Variants in LDHAL6A observed in about 807,000 individuals in gnomAD.
The protein encoded by LDHAL6A is L-lactate dehydrogenase A-like 6A.
Under a neutral mutation model 28.2 loss-of-function variants are expected in LDHAL6A, and 19 were observed. The ratio of observed to expected loss-of-function variants is 0.67; its 90% CI spans 0.47 to 0.99. The LOEUF is 0.99. LDHAL6A is among the 50% of genes least tolerant of loss of function. The probability of loss-of-function intolerance (pLI) is 0.00; values close to 1 mark genes in which losing one functional copy is unlikely to be tolerated. For synonymous variants in LDHAL6A, 144 were observed against 134.4 expected, an observed-to-expected ratio of 1.07 and a Z score of -0.49; for missense variants, 372 against 398.6, an observed-to-expected ratio of 0.93 and a Z score of 0.57.
chr11:18,478,929 T>C lies in LDHAL6A; in HGVS notation c.*59T>C, dbSNP rs1418869875. 2.2e-6 allele frequency: 3 copies of C among 1,371,284 alleles called. No homozygotes were observed. The highest frequency in any genetic ancestry group is 2.3e-5 in the East Asian group (1 of 43,200). 84.9% of individuals were successfully genotyped at this position (1,371,284 alleles called of 1,614,324 possible). On this transcript the variant is annotated 3_prime_UTR_variant, in exon 7 of 7. Transcript: ENST00000280706. ...GAAATAGTAGTTATGGAATTGTATATGTCAAACTTTTGAATAAATTTGAAT... is the reference window on the plus strand; with the variant it reads ...GAAATAGTAGTTATGGAATTGTATACGTCAAACTTTTGAATAAATTTGAAT...
chr11:18,461,860 G>GA (rs34785727), intron 1 of LDHAL6A, among the ~76,000 whole-genome samples: 47,784 of 131,062 alleles, frequency 0.36, 8,185 homozygotes, highest in African/African-American at 0.44. Flanking sequence ...TCAAAAAAAA[G>GA]AAAAAAAAAA....
Position 18,462,834 on chromosome 11 carries a change from C to A in LDHAL6A, c.127-1127C>A, listed in dbSNP as rs1000006352. Among the ~76,000 whole-genome samples, 3 of 147,170 alleles carry A rather than the reference C, an allele frequency of 2.0e-5. No individual in the cohort carries two copies. The Admixed American group carries it at 2.0e-4, about 10-fold the overall frequency. Reference sequence around the variant, plus strand: ...GGGAACAGAGCAAGAGACTCCATCTCAAAAAAAAACAAAAACAAAAACAAA... The same window carrying A: ...GGGAACAGAGCAAGAGACTCCATCTAAAAAAAAAACAAAAACAAAAACAAA... On this transcript the variant is annotated intron_variant, in intron 1 of 6. Coordinates refer to ENST00000280706, the MANE Select transcript of LDHAL6A (RefSeq NM_144972.5).
At chr11:18,469,921 C>T (rs539368009) in intron 3 of LDHAL6A, among the ~76,000 whole-genome samples, 16 of 152,186 alleles carry the variant, frequency 1.1e-4, no homozygotes, top group African/African-American at 2.2e-4. Flanking sequence ...TTTTCCCCCC[C>T]GAATGATAAT....
chr11:18,467,002 C>G (rs1191810056), intron 3 of LDHAL6A, among the ~76,000 whole-genome samples: 2 of 151,906 alleles, frequency 1.3e-5, no homozygotes, highest in Non-Finnish European at 2.9e-5. Flanking sequence ...ATTTACTGAT[C>G]GGGTGGGAGT....
At chr11:18,473,527 T>C (rs1034217239) in intron 3 of LDHAL6A, among the ~76,000 whole-genome samples, 4 of 152,174 alleles carry the variant, frequency 2.6e-5, no homozygotes, top group African/African-American at 9.7e-5. Flanking sequence ...GCCTCCCAAG[T>C]ATCTGGGACT....
chr11:18,478,045 C>A (rs1487198014), intron 6 of LDHAL6A, among the ~76,000 whole-genome samples: 3 of 152,066 alleles, frequency 2.0e-5, no homozygotes, highest in African/African-American at 4.8e-5. Flanking sequence ...TATGGGCAGA[C>A]CTTGGTACCT....
At chr11:18,462,845 A>C (rs946063351) in intron 1 of LDHAL6A, among the ~76,000 whole-genome samples, 1 of 148,230 alleles carries the variant, frequency 6.7e-6, no homozygotes, top group Non-Finnish European at 1.5e-5. Flanking sequence ...AAAAAAAAAC[A>C]AAAACAAAAA....
intron 3 of LDHAL6A, among the ~76,000 whole-genome samples, chr11:18,472,564 T>C (rs1005839237): frequency 6.6e-6 from 1 of 152,200 alleles, no homozygotes; most frequent in Non-Finnish European, 1.5e-5. Context: ...AAAGACAAAT[T>C]AGAAATTATG....
intron 3 of LDHAL6A, among the ~76,000 whole-genome samples, chr11:18,473,392 GAC>G (rs199914408): frequency 7.4e-6 from 1 of 135,008 alleles, no homozygotes; most frequent in South Asian, 2.5e-4. Context: ...TAGGTAGGTA[GAC>G]AGACAGACAG....
At position 18,465,619 on chromosome 11, in the gene LDHAL6A, A is replaced by G; in HGVS notation, c.245-18A>G. ...TGTTTTCTTTCATAATCGATTGTTT[A>G]TTCTAATCTTTCCTCAGATTACCTG... On this transcript the variant is annotated intron_variant, in intron 2 of 6. Transcript: ENST00000280706. 1 of 1,602,150 alleles carries G rather than the reference A, an allele frequency of 6.2e-7. No individual in the cohort carries two copies. The highest frequency in any genetic ancestry group is 1.1e-5 in the South Asian group (1 of 89,886).
intron 3 of LDHAL6A, 183 bp from the exon 4 acceptor site, chr11:18,475,283 G>GT: frequency 1.9e-6 from 1 of 520,728 alleles, no homozygotes; most frequent in Non-Finnish European, 3.4e-6. Context: ...CAACGAAAAG[G>GT]TTTTTCATTA....
chr11:18,462,642 ACAAACAAACAAACAAAAAAAAAAAC>A (rs1315929465), intron 1 of LDHAL6A, among the ~76,000 whole-genome samples: 1 of 122,276 alleles, frequency 8.2e-6, no homozygotes, highest in African/African-American at 3.1e-5. Context: ...GTCTCAAAAA[ACAAACAAACAAACAAAAAAAAAAAC>A]AAAAAAAACC....
chr11:18,477,708 C>T lies in LDHAL6A; in HGVS notation c.799C>T (p.Leu267Phe). 2 of 1,612,448 alleles carry T rather than the reference C, an allele frequency of 1.2e-6. No individual in the cohort carries two copies. The highest frequency in any genetic ancestry group is 1.1e-5 in the South Asian group (1 of 90,692). ...TTTAACAGAAAGTATTTTGAAGAATCTTAGGAGAGTGCATCCAGTTTCTAC... is the reference window on the plus strand; with the variant it reads ...TTTAACAGAAAGTATTTTGAAGAATTTTAGGAGAGTGCATCCAGTTTCTAC... ...ADLTESILKN[L>F]RRVHPVSTLS... Residue 267 changes from leucine to phenylalanine, a missense_variant, in exon 6 of 7, where the codon CTT becomes TTT. Leu to Phe is a conservative substitution (Grantham distance 22). Coordinates refer to ENST00000280706, the MANE Select transcript of LDHAL6A (RefSeq NM_144972.5).
chr11:18,467,981 G>A (rs140900031), intron 3 of LDHAL6A, among the ~76,000 whole-genome samples: 17 of 45,288 alleles, frequency 3.8e-4, no homozygotes, highest in South Asian at 1.8e-3. Flanking sequence ...ATATATATAC[G>A]TATATATATG....
At chr11:18,476,005 T>A (rs1011546278) in intron 4 of LDHAL6A, among the ~76,000 whole-genome samples, 2 of 142,496 alleles carry the variant, frequency 1.4e-5, no homozygotes, top group African/African-American at 5.1e-5. Flanking sequence ...TAACTGAAGA[T>A]ATAAGAAGGA....
chr11:18,457,901 C>T (rs906158070), intron 1 of LDHAL6A, among the ~76,000 whole-genome samples: 5 of 151,854 alleles, frequency 3.3e-5, no homozygotes, highest in Non-Finnish European at 7.4e-5. Context: ...AATATTACAA[C>T]CCTGGAAAGT....
chr11:18,460,320 G>T (rs949860159), intron 1 of LDHAL6A, among the ~76,000 whole-genome samples: 1 of 151,900 alleles, frequency 6.6e-6, no homozygotes, highest in Admixed American at 6.6e-5. Flanking sequence ...GGCCGGGCAC[G>T]GTGGCTCACA....
intron 1 of LDHAL6A, among the ~76,000 whole-genome samples, chr11:18,458,404 G>A (rs956652317): frequency 2.0e-5 from 3 of 152,228 alleles, no homozygotes; most frequent in Non-Finnish European, 2.9e-5. Flanking sequence ...TTCAAACTCA[G>A]TGGTGCTCCC....
chr11:18,477,266 C>T (rs917565389), intron 5 of LDHAL6A, among the ~76,000 whole-genome samples: 3 of 152,022 alleles, frequency 2.0e-5, no homozygotes, highest in African/African-American at 4.8e-5. Flanking sequence ...TGAGACCAGC[C>T]TGGCCAACGT....
Sources: gnomAD v4.1 joint callset for allele counts (sites outside exome capture counted in the v4.1 genomes callset) on GRCh38, gnomAD v4.1.1 for gene constraint, MANE v1.5 for transcripts, NCBI Gene and HGNC (gene_info 2026-07-23, HGNC 2026-07-21) for gene names.